ETFA: variants seen among roughly 807,000 people sequenced by gnomAD.
ETFA encodes electron transfer flavoprotein subunit alpha.
ETFA carries 22 observed loss-of-function variants against 46.2 expected under a neutral mutation model. That is an observed-to-expected ratio of 0.48 (90% CI 0.34 to 0.68). The LOEUF is 0.68. ETFA is among the 30% of genes least tolerant of loss of function. The pLI is 0.01. For synonymous variants in ETFA, 131 were observed against 139.9 expected, an observed-to-expected ratio of 0.94 and a Z score of 0.45; for missense variants, 345 against 401.1, an observed-to-expected ratio of 0.86 and a Z score of 1.19.
intron 10 of ETFA, chr15:76,227,807 C>A (rs771592466): frequency 8.8e-6 from 4 of 456,058 alleles, no homozygotes. Flanking sequence ...GGATATCCAA[C>A]ATCTGTGTAT....
Position 76,299,213 on chromosome 15 carries a change from T to C in ETFA, c.40-3476A>G, listed in dbSNP as rs930848882. Among the ~76,000 whole-genome samples the C allele has an allele frequency of 6.6e-5, 10 of 152,338 alleles. No homozygotes were observed. The South Asian group carries it at 8.3e-4, about 13-fold the overall frequency. ...CTGGGCTCTCAAAACTGTCTAGCAATGCTACCACAACTTCCTTGTTCGCAC... is the reference window on the plus strand; with the variant it reads ...CTGGGCTCTCAAAACTGTCTAGCAACGCTACCACAACTTCCTTGTTCGCAC... On this transcript the variant is annotated intron_variant, in intron 1 of 11. Coordinates refer to ENST00000557943, the MANE Select transcript of ETFA (RefSeq NM_000126.4).
At chr15:76,287,755 A>G in intron 5 of ETFA, 91 bp downstream of exon 5, 1 of 975,840 alleles carries the variant, frequency 1.0e-6, no homozygotes, top group Non-Finnish European at 1.6e-6. Flanking sequence ...AAGCAATTGT[A>G]TGGTTTGATT....
At chr15:76,306,053 T>C (rs892356228) in intron 1 of ETFA, among the ~76,000 whole-genome samples, 1 of 151,866 alleles carries the variant, frequency 6.6e-6, no homozygotes, top group Non-Finnish European at 1.5e-5. Context: ...GTCAGTTTTT[T>C]AGAGTTCTTG....
intron 9 of ETFA, among the ~76,000 whole-genome samples, chr15:76,234,843 G>GA (rs1567198673): frequency 6.6e-6 from 1 of 152,286 alleles, no homozygotes; most frequent in East Asian, 1.9e-4. Flanking sequence ...AGTACTGGCA[G>GA]AAAAAAGCAC....
intron 10 of ETFA, chr15:76,228,201 C>G: frequency 2.8e-6 from 1 of 355,612 alleles, no homozygotes; most frequent in Non-Finnish European, 5.5e-6. Flanking sequence ...ATCATTATTA[C>G]TTTGAGACAG....
intron 11 of ETFA, among the ~76,000 whole-genome samples, chr15:76,223,009 AT>A (rs1339035740): frequency 6.6e-6 from 1 of 151,546 alleles, no homozygotes; most frequent in Non-Finnish European, 1.5e-5. Context: ...TAATTTTTGT[AT>A]TTTTTGTAGA....
Position 76,291,171 on chromosome 15 carries a change from G to A in ETFA, c.351+1260C>T, listed in dbSNP as rs74591898. ...TTGGAGGGTATGTTGAGCTACAATCGTGCCACTGCACTCCAGTCTGGGCAA... is the reference window on the plus strand; with the variant it reads ...TTGGAGGGTATGTTGAGCTACAATCATGCCACTGCACTCCAGTCTGGGCAA... On this transcript the variant is annotated intron_variant, in intron 4 of 11. Transcript: ENST00000557943. 9.9e-5 allele frequency among the ~76,000 whole-genome samples: 15 copies of A among 152,236 alleles called. No homozygotes were observed. In the East Asian group the frequency reaches 2.1e-3, roughly 22 times the overall value.
intron 4 of ETFA, among the ~76,000 whole-genome samples, chr15:76,288,707 G>A (rs2039725014): frequency 7.6e-6 from 1 of 131,248 alleles, no homozygotes; most frequent in Admixed American, 8.0e-5. Flanking sequence ...GCGAGACTCT[G>A]CCTCAAAAGA....
intron 11 of ETFA, among the ~76,000 whole-genome samples, chr15:76,220,851 A>G (rs2038950006): frequency 6.6e-6 from 1 of 152,212 alleles, no homozygotes; most frequent in African/African-American, 2.4e-5. Context: ...TATATAGAAA[A>G]ACTGGAGCCC....
intron 10 of ETFA, chr15:76,228,069 C>T (rs889720550): frequency 3.3e-5 from 14 of 426,070 alleles, no homozygotes; most frequent in African/African-American, 2.2e-4. Context: ...TGCTTCACGG[C>T]GATAAGCAGA....
At chr15:76,295,442 C>T (rs1439502116) in intron 2 of ETFA, 149 bp downstream of exon 2, 1 of 722,088 alleles carries the variant, frequency 1.4e-6, no homozygotes, top group African/African-American at 1.7e-5. Context: ...GTTCCTTTTT[C>T]ACACATGGTA....
intron 1 of ETFA, among the ~76,000 whole-genome samples, 199 bp from the exon 2 acceptor site, chr15:76,295,936 C>CTTTTGTTTTTTTTTTTTTT (rs2039816558): frequency 2.1e-5 from 1 of 46,602 alleles, no homozygotes; most frequent in Non-Finnish European, 4.2e-5. Context: ...CACTAATATT[C>CTTTTGTTTTTTTTTTTTTT]TTTTTTTTTT....
intron 8 of ETFA, among the ~76,000 whole-genome samples, 175 bp from the exon 9 acceptor site, chr15:76,274,669 T>G (rs1184479729): frequency 2.0e-5 from 3 of 152,202 alleles, no homozygotes; most frequent in Non-Finnish European, 4.4e-5. Context: ...AGATTTTAAT[T>G]TGGGCTTAAC....
In ETFA at chr15:76,296,259, T is replaced by A. The variant is rs185148395; in HGVS notation, c.40-522A>T. 2.8e-4 allele frequency among the ~76,000 whole-genome samples: 42 copies of A among 152,306 alleles called. No individual in the cohort carries two copies. The East Asian group carries it at 7.3e-3, about 27-fold the overall frequency. On this transcript the variant is annotated intron_variant, in intron 1 of 11. Transcript: ENST00000557943. ...ACCGCACCTGGCCTACTAATATTCTTATCTAATAAAAATTAGAACGCAAAT... is the reference window on the plus strand; with the variant it reads ...ACCGCACCTGGCCTACTAATATTCTAATCTAATAAAAATTAGAACGCAAAT...
At chr15:76,244,944 G>T (rs532287193) in intron 9 of ETFA, among the ~76,000 whole-genome samples, 1 of 152,160 alleles carries the variant, frequency 6.6e-6, no homozygotes, top group East Asian at 1.9e-4. Flanking sequence ...AATGGATAAA[G>T]AACTTCACTG....
chr15:76,242,746 T>C (rs2039204598), intron 9 of ETFA, among the ~76,000 whole-genome samples: 1 of 152,130 alleles, frequency 6.6e-6, no homozygotes, highest in Non-Finnish European at 1.5e-5. Flanking sequence ...TATGATGAAA[T>C]GTGAAAATGT....
rs766127651 is a variant in ETFA, at chr15:76,292,448, C to A, written c.334G>T (p.Ala112Ser). ...CTTCTCACCTTTCCGAAGGCAGATG[C>A]TCCAGCACAGATGTGTGTGTAATTG... Reference protein sequence around the residue: ...QFNYTHICAGASAFGKNLLPR... With the variant: ...QFNYTHICAGSSAFGKNLLPR... Residue 112 changes from alanine (A) to serine (S), a missense_variant, in exon 4 of 12, where the codon GCA (alanine) becomes TCA (serine). Coordinates refer to ENST00000557943, the MANE Select transcript of ETFA (RefSeq NM_000126.4). 7 of 1,613,250 alleles carry A rather than the reference C, an allele frequency of 4.3e-6. No individual in the cohort carries two copies. The highest frequency in any genetic ancestry group is 4.5e-5 in the East Asian group (2 of 44,870).
intron 1 of ETFA, among the ~76,000 whole-genome samples, 196 bp from the exon 2 acceptor site, chr15:76,295,933 A>ATTTTTTTTTTTTTT (rs1555459250): frequency 5.1e-5 from 3 of 58,504 alleles, no homozygotes; most frequent in Non-Finnish European, 7.9e-5. Context: ...TACCACTAAT[A>ATTTTTTTTTTTTTT]TTCTTTTTTT....
intron 9 of ETFA, among the ~76,000 whole-genome samples, chr15:76,247,223 G>A (rs1443297174): frequency 2.0e-5 from 3 of 152,174 alleles, no homozygotes; most frequent in Non-Finnish European, 4.4e-5. Context: ...TCAAGGATTT[G>A]TAGGAGTGCA....
Sources: gnomAD v4.1 joint callset for allele counts (sites outside exome capture counted in the v4.1 genomes callset) on GRCh38, gnomAD v4.1.1 for gene constraint, MANE v1.5 for transcripts, NCBI Gene and HGNC (gene_info 2026-07-23, HGNC 2026-07-21) for gene names.